Variants in COL13A1 observed in about 807,000 individuals in gnomAD.
COL13A1 encodes the protein collagen type XIII alpha 1 chain.
In COL13A1, 89 loss-of-function variants were observed where a neutral mutation model predicts 130.9. The ratio of observed to expected loss-of-function variants is 0.68; its 90% CI spans 0.57 to 0.81. The LOEUF is 0.81. Ranked by LOEUF, COL13A1 falls within the 30% of genes least tolerant of loss-of-function variation. COL13A1 has a pLI of 0.00. For missense variants in COL13A1, 879 were observed against 934.6 expected (o/e 0.94, Z 0.78); for synonymous variants, 402 against 341.6 (o/e 1.18, Z -1.95).
intron 1 of COL13A1, among the ~76,000 whole-genome samples, chr10:69,804,072 G>C (rs77001515): frequency 1.3e-5 from 2 of 151,932 alleles, no homozygotes; most frequent in African/African-American, 4.8e-5. Context: ...TCATTCCCAC[G>C]CCCTGCCAGG....
intron 1 of COL13A1, among the ~76,000 whole-genome samples, chr10:69,805,758 G>T (rs945741857): frequency 2.2e-4 from 34 of 152,312 alleles, no homozygotes; most frequent in African/African-American, 7.5e-4. Context: ...GTTCTCCCAG[G>T]TCTGAGCAAA....
intron 7 of COL13A1, among the ~76,000 whole-genome samples, chr10:69,884,952 C>T (rs766386971): frequency 5.9e-5 from 9 of 152,262 alleles, no homozygotes; most frequent in African/African-American, 1.2e-4. Context: ...CAAGAAATGA[C>T]GCTGGGACAA....
At chr10:69,911,086 A>AGTGGATGG (rs1274778143) in intron 17 of COL13A1, among the ~76,000 whole-genome samples, 2 of 151,936 alleles carry the variant, frequency 1.3e-5, no homozygotes, top group Non-Finnish European at 2.9e-5. Flanking sequence ...TGGGGAGGAG[A>AGTGGATGG]GTGGATGGGC....
At chr10:69,931,665 C>T (rs1197685610) in intron 30 of COL13A1, among the ~76,000 whole-genome samples, 1 of 152,182 alleles carries the variant, frequency 6.6e-6, no homozygotes, top group African/African-American at 2.4e-5. Context: ...CATGGGGCAG[C>T]CCCAGGATGG....
chr10:69,934,327 T>C (rs2066543726), intron 31 of COL13A1, among the ~76,000 whole-genome samples: 1 of 152,212 alleles, frequency 6.6e-6, no homozygotes, highest in Non-Finnish European at 1.5e-5. Context: ...TGGTAAACTT[T>C]TGTTAAAAAT....
chr10:69,869,017 A>G (rs2704524), intron 3 of COL13A1, among the ~76,000 whole-genome samples: 137,648 of 151,950 alleles, frequency 0.91, 63,277 homozygotes, highest in East Asian at 1. Flanking sequence ...GGCCTCCTGC[A>G]CACACCTCAC....
At chr10:69,926,344 G>C (rs1211753954) in intron 26 of COL13A1, among the ~76,000 whole-genome samples, 1 of 152,222 alleles carries the variant, frequency 6.6e-6, no homozygotes, top group African/African-American at 2.4e-5. Context: ...CCCAGCCTTG[G>C]CACTGACTTT....
At chr10:69,908,110 G>T (rs1281504729) in intron 17 of COL13A1, among the ~76,000 whole-genome samples, 1 of 152,178 alleles carries the variant, frequency 6.6e-6, no homozygotes, top group Non-Finnish European at 1.5e-5. Flanking sequence ...ACCCTGGCTG[G>T]GAAGCTGCTA....
intron 35 of COL13A1, among the ~76,000 whole-genome samples, chr10:69,943,536 G>A (rs533291020): frequency 3.3e-5 from 5 of 152,016 alleles, no homozygotes; most frequent in South Asian, 4.2e-4. Flanking sequence ...GGCCGGTGTC[G>A]GTGCAGACAT....
intron 17 of COL13A1, among the ~76,000 whole-genome samples, chr10:69,912,358 C>T (rs1405866712): frequency 1.3e-5 from 2 of 152,158 alleles, no homozygotes; most frequent in Non-Finnish European, 2.9e-5. Context: ...CTAGGATTTC[C>T]GCGGTTCCGG....
intron 2 of COL13A1, among the ~76,000 whole-genome samples, chr10:69,859,092 G>A (rs191767740): frequency 6.6e-6 from 1 of 152,152 alleles, no homozygotes. Flanking sequence ...CCACTGTTAG[G>A]TGTGGACAAT....
At chr10:69,910,896 G>T (rs536692191) in intron 17 of COL13A1, among the ~76,000 whole-genome samples, 5 of 152,224 alleles carry the variant, frequency 3.3e-5, no homozygotes, top group Admixed American at 6.5e-5. Context: ...GATGCCTGTG[G>T]TGGCCTGGAT....
intron 13 of COL13A1, chr10:69,897,573 G>C: frequency 6.2e-7 from 1 of 1,605,148 alleles, no homozygotes; most frequent in Non-Finnish European, 8.5e-7. Flanking sequence ...TCTCCACTGA[G>C]AGGCTTCCTG....
chr10:69,889,681 C>T (rs2060971885), intron 10 of COL13A1, among the ~76,000 whole-genome samples: 1 of 152,122 alleles, frequency 6.6e-6, no homozygotes, highest in Non-Finnish European at 1.5e-5. Flanking sequence ...GAGTGCACAC[C>T]TGGCTGGTAG....
In COL13A1 at chr10:69,889,458, C is replaced by T. The variant is rs114349272; in HGVS notation, c.603+18C>T. The T allele has an allele frequency of 2.4e-3, 3,926 of 1,610,142 alleles. 89 individuals are homozygous for T. The African/African-American group carries it at 0.047, about 19-fold the overall frequency. On this transcript the variant is annotated intron_variant, in intron 10 of 40. Coordinates refer to ENST00000645393, the MANE Select transcript of COL13A1 (RefSeq NM_001368882.1). Reference sequence around the variant, plus strand: ...GCGACATGGTAAGAGCCCAGCTTTCCTGCCTTCCCGAGATGGGTGGGGGTT... The same window carrying T: ...GCGACATGGTAAGAGCCCAGCTTTCTTGCCTTCCCGAGATGGGTGGGGGTT...
rs571996611 is a variant in COL13A1 at position 69,925,298 on chromosome 10, C to T, written c.1329+291C>T. Among the ~76,000 whole-genome samples, 7 of 152,318 alleles carry T rather than the reference C, an allele frequency of 4.6e-5. 1 individual carries two copies. The highest frequency in any genetic ancestry group is 9.6e-5 in the African/African-American group (4 of 41,560). ...TGTATTAGTCTCACGCTCAGTAAAT[C>T]GGCACTTTATGTAAGCTGTGGTGAA... is the stretch of plus-strand genomic sequence containing the variant. On this transcript the variant is annotated intron_variant, in intron 25 of 40. Transcript: ENST00000645393.
intron 34 of COL13A1, among the ~76,000 whole-genome samples, chr10:69,939,526 A>T (rs1020835932): frequency 6.6e-6 from 1 of 152,202 alleles, no homozygotes; most frequent in African/African-American, 2.4e-5. Context: ...ATATTTAGCT[A>T]CCATTCTGTT....
intron 7 of COL13A1, among the ~76,000 whole-genome samples, chr10:69,885,831 C>G (rs2060544018): frequency 6.6e-6 from 1 of 152,150 alleles, no homozygotes; most frequent in African/African-American, 2.4e-5. Context: ...AGGAGAAAAG[C>G]CAGGGGCCCT....
intron 40 of COL13A1, 123 bp from the exon 41 acceptor site, chr10:69,958,576 C>G (rs762319122): frequency 3.9e-4 from 571 of 1,472,632 alleles, no homozygotes; most frequent in Middle Eastern, 7.1e-4. Context: ...AGGGTTCCCA[C>G]AGTTCTCCTG....
Sources: allele counts gnomAD v4.1 joint callset (sites outside exome capture counted in the v4.1 genomes callset), GRCh38; gene constraint gnomAD v4.1.1; transcripts MANE v1.5; gene names NCBI Gene and HGNC (gene_info 2026-07-23, HGNC 2026-07-21).